Variants in CCDC138 observed in about 807,000 individuals in gnomAD.
CCDC138 encodes the protein coiled-coil domain containing 138.
A neutral mutation model predicts 82.3 loss-of-function variants in CCDC138; 66 were observed. That is an observed-to-expected ratio of 0.80 (90% CI 0.66 to 0.98). The LOEUF is 0.98. Among genes scored for constraint, CCDC138 ranks in the 50% least tolerant of loss-of-function variants. CCDC138 has a pLI of 0.00. For synonymous variants in CCDC138, 297 were observed against 265.4 expected, an observed-to-expected ratio of 1.12 and a Z score of -1.16; for missense variants, 816 against 758.9, an observed-to-expected ratio of 1.08 and a Z score of -0.88.
rs11900619 is a variant in CCDC138, at chr2:108,812,085, A to G, written c.856-546A>G. On this transcript the variant is annotated intron_variant, in intron 7 of 14. Transcript: ENST00000295124. ...ATAAATCTAAAGAGAGATGTGCAAG[A>G]CATCTCTACTTGAAAACTACAAAAC... is the stretch of plus-strand genomic sequence containing the variant. Among the ~76,000 whole-genome samples, 799 of 152,272 alleles carry G rather than the reference A, an allele frequency of 5.2e-3. 6 individuals carry two copies. The highest frequency in any genetic ancestry group is 0.018 in the African/African-American group (763 of 41,548).
chr2:108,808,635 C>T lies in CCDC138; in HGVS notation c.855+3627C>T, dbSNP rs547431971. ...GTGATATTGAGCATTTTTTCATATA[C>T]CTGTTGGCTGTTTGTATGCCTTTGT... On this transcript the variant is annotated intron_variant, in intron 7 of 14. Transcript: ENST00000295124. 1.4e-4 allele frequency among the ~76,000 whole-genome samples: 22 copies of T among 152,202 alleles called. No homozygotes were observed. The East Asian group carries it at 3.7e-3, about 25-fold the overall frequency.
intron 7 of CCDC138, among the ~76,000 whole-genome samples, chr2:108,811,675 G>A (rs1683897452): frequency 6.6e-6 from 1 of 152,042 alleles, no homozygotes; most frequent in Non-Finnish European, 1.5e-5. Flanking sequence ...GATATATTGT[G>A]TAACAGTGAG....
chr2:108,876,847 C>T (rs932427576), downstream of CCDC138, among the ~76,000 whole-genome samples: 1 of 151,964 alleles, frequency 6.6e-6, no homozygotes, highest in Non-Finnish European at 1.5e-5. Context: ...ATTTTTTAAA[C>T]ATTGAAAGGT....
At chr2:108,815,205 G>A (rs79578774) in intron 9 of CCDC138, among the ~76,000 whole-genome samples, 1,922 of 152,122 alleles carry the variant, frequency 0.013, 49 homozygotes, top group African/African-American at 0.045. Context: ...AGAAAGATAA[G>A]TTTCATAGTG....
At chr2:108,795,839 G>C (rs1332031332) in intron 5 of CCDC138, among the ~76,000 whole-genome samples, 1 of 152,088 alleles carries the variant, frequency 6.6e-6, no homozygotes, top group Non-Finnish European at 1.5e-5. Context: ...GAAAACTCAG[G>C]CTGGGTATTT....
chr2:108,811,146 T>A (rs1683753400), intron 7 of CCDC138, among the ~76,000 whole-genome samples: 1 of 150,324 alleles, frequency 6.7e-6, no homozygotes. Flanking sequence ...TTCCCCTCCC[T>A]CTGCCTTCCC....
At chr2:108,864,655 G>T (rs568945947) in intron 13 of CCDC138, among the ~76,000 whole-genome samples, 1 of 152,122 alleles carries the variant, frequency 6.6e-6, no homozygotes, top group Non-Finnish European at 1.5e-5. Flanking sequence ...AAAGCCAGGC[G>T]TGGTGGCCCA....
chr2:108,812,945 T>C lies in CCDC138; in HGVS notation c.1041+18T>C, dbSNP rs754630328. The C allele has an allele frequency of 9.3e-6, 15 of 1,609,478 alleles. No homozygotes were observed. Among genetic ancestry groups the C allele is most frequent in the Non-Finnish European group, 1.3e-5 (15 of 1,177,090 alleles). Reference sequence around the variant, plus strand: ...CTTACAAGGTAAGTTTGAATTATGATTTGATATGATTGAAAATTTCTCGGC... The same window carrying C: ...CTTACAAGGTAAGTTTGAATTATGACTTGATATGATTGAAAATTTCTCGGC... On this transcript the variant is annotated intron_variant, in intron 9 of 14. Coordinates refer to ENST00000295124, the MANE Select transcript of CCDC138 (RefSeq NM_144978.3).
intron 7 of CCDC138, among the ~76,000 whole-genome samples, chr2:108,809,062 T>G (rs953032626): frequency 2.6e-5 from 4 of 152,208 alleles, no homozygotes; most frequent in African/African-American, 9.7e-5. Flanking sequence ...GCATGATTTG[T>G]TGAGGAGACT....
Position 108,798,546 on chromosome 2 carries a change from T to G in CCDC138, c.695T>G (p.Val232Gly). 1 of 1,613,568 alleles carries G rather than the reference T, an allele frequency of 6.2e-7. No homozygotes were observed. The part of the protein sequence containing the change: ...HENALSKIKG[V>G]EEEVLTRFQI... ...AATGCCTTGAGTAAAATTAAAGGTG[T>G]TGAAGAAGAGGTTCTTACAAGATTT... The change falls in exon 6 of 15, where the codon GTT becomes GGT. Residue 232 changes from valine (V) to glycine (G), a missense_variant. Physicochemically the swap from Val to Gly is moderately radical, Grantham distance 109. Coordinates refer to ENST00000295124, the MANE Select transcript of CCDC138 (RefSeq NM_144978.3).
At chr2:108,810,753 T>C (rs969256303) in intron 7 of CCDC138, among the ~76,000 whole-genome samples, 1 of 152,220 alleles carries the variant, frequency 6.6e-6, no homozygotes, top group Non-Finnish European at 1.5e-5. Context: ...AAAGTTTTAA[T>C]TCAGCAGTGA....
intron 12 of CCDC138, among the ~76,000 whole-genome samples, chr2:108,855,370 A>G (rs909286220): frequency 3.9e-5 from 6 of 152,138 alleles, no homozygotes; most frequent in African/African-American, 1.4e-4. Context: ...TTGTCAAATT[A>G]TATACTAAGA....
At chr2:108,882,918 T>C (rs1696331069) in intron 2 of CCDC138, 1 of 151,952 alleles carries the variant, frequency 6.6e-6, no homozygotes, top group Admixed American at 6.6e-5. Context: ...AAAGACCTTG[T>C]CTTCTTTATA....
chr2:108,812,444 T>C (rs1300682444), intron 7 of CCDC138, 187 bp from the exon 8 acceptor site: 1 of 153,322 alleles, frequency 6.5e-6, no homozygotes, highest in African/African-American at 2.4e-5. Flanking sequence ...TAAATGATCT[T>C]ACAAACCATT....
intron 10 of CCDC138, among the ~76,000 whole-genome samples, chr2:108,821,582 A>G (rs1452376638): frequency 6.6e-6 from 1 of 152,240 alleles, no homozygotes; most frequent in Non-Finnish European, 1.5e-5. Flanking sequence ...ACCCAAAGGC[A>G]GTAAGAAAGG....
chr2:108,876,349 T>G lies in CCDC138; in HGVS notation c.*96T>G, dbSNP rs956139905. ...CAATTCTACCAAGTAAAGTTATCAGTAGCATCATTTATCATGAAAAATAAA... is the reference window on the plus strand; with the variant it reads ...CAATTCTACCAAGTAAAGTTATCAGGAGCATCATTTATCATGAAAAATAAA... On this transcript the variant is annotated 3_prime_UTR_variant, in exon 15 of 15. Transcript: ENST00000295124. 1 of 641,486 alleles carries G rather than the reference T, an allele frequency of 1.6e-6. No individual in the cohort carries two copies. Among genetic ancestry groups the G allele is most frequent in the African/African-American group, 1.8e-5 (1 of 54,434 alleles). 39.7% of individuals were successfully genotyped at this position (641,486 alleles called of 1,614,324 possible). A position where few individuals can be genotyped will look rare whatever the true frequency, so the allele number is the denominator to read the frequency against.
At position 108,812,864 on chromosome 2, in the gene CCDC138, C is replaced by T; in HGVS notation, c.978C>T (p.Ser326=). The change falls in exon 9 of 15, where the codon TCC becomes TCT. Residue 326 remains serine, a synonymous_variant. Transcript: ENST00000295124. ...FMTIQRLKGS[S]HAVHEMKSLK... is the part of the protein sequence containing the mutation. ...CAATACAGAGATTGAAAGGAAGTTC[C>T]CATGCTGTTCATGAAATGAAAAGTT... 1.2e-6 allele frequency: 2 copies of T among 1,613,374 alleles called. No individual in the cohort carries two copies. Among genetic ancestry groups the T allele is most frequent in the East Asian group, 4.5e-5 (2 of 44,814 alleles).
chr2:108,857,065 GCTTTTT>G, intron 13 of CCDC138, 95 bp downstream of exon 13: 2 of 55,344 alleles, frequency 3.6e-5, no homozygotes, highest in Non-Finnish European at 6.7e-5. Flanking sequence ...AGATACTATT[GCTTTTT>G]TTTTTTTTTT....
At position 108,861,886 on chromosome 2, in the gene CCDC138, T is replaced by C. The variant is rs544679098; in HGVS notation, c.1693+4916T>C. Among the ~76,000 whole-genome samples, 37 of 152,316 alleles carry C rather than the reference T, an allele frequency of 2.4e-4. No individual in the cohort carries two copies. The South Asian group carries it at 6.4e-3, about 26-fold the overall frequency. ...TTACTGTATCCTACAGGTTTTGGTA[T>C]GTTATATCTTGATTTTCACTGTTTC... is the stretch of plus-strand genomic sequence containing the variant. On this transcript the variant is annotated intron_variant, in intron 13 of 14. Coordinates refer to ENST00000295124, the MANE Select transcript of CCDC138 (RefSeq NM_144978.3).
Sources: allele counts gnomAD v4.1 joint callset (sites outside exome capture counted in the v4.1 genomes callset), GRCh38; gene constraint gnomAD v4.1.1; transcripts MANE v1.5; gene names NCBI Gene and HGNC (gene_info 2026-07-23, HGNC 2026-07-21).